Variants in RBMS1 observed in about 807,000 individuals in gnomAD.
RBMS1 encodes the protein RNA binding motif single stranded interacting protein 1.
RBMS1 carries 17 observed loss-of-function variants against 62.3 expected under a neutral mutation model. That is an observed-to-expected ratio of 0.27 (90% CI 0.19 to 0.41). The LOEUF (loss-of-function observed/expected upper bound fraction) is 0.41. RBMS1 is among the 10% of genes least tolerant of loss of function. The pLI is 1.00. For synonymous variants in RBMS1, 172 were observed against 170.0 expected (o/e 1.01, Z -0.09); for missense variants, 334 against 504.5 (o/e 0.66, Z 3.24).
chr2:160,317,550 A>G (rs539923718), intron 3 of RBMS1, among the ~76,000 whole-genome samples: 1 of 152,248 alleles, frequency 6.6e-6, no homozygotes, highest in South Asian at 2.1e-4. Flanking sequence ...GCTCATCCTA[A>G]TTACATGGAA....
intron 1 of RBMS1, among the ~76,000 whole-genome samples, chr2:160,403,026 GAAGT>G (rs1454016890): frequency 6.6e-6 from 1 of 152,152 alleles, no homozygotes; most frequent in African/African-American, 2.4e-5. Context: ...TAAAAAACTA[GAAGT>G]ATGTTCAAAA....
At position 160,421,149 on chromosome 2, in the gene RBMS1, T is replaced by A. The variant is rs181928827; in HGVS notation, c.76-53758A>T. Among the ~76,000 whole-genome samples, 52 of 151,966 alleles carry A rather than the reference T, an allele frequency of 3.4e-4. No individual in the cohort carries two copies. The South Asian group carries it at 4.8e-3, about 14-fold the overall frequency. On this transcript the variant is annotated intron_variant, in intron 1 of 13. Transcript: ENST00000348849. Reference sequence around the variant, plus strand: ...ACTCTAACTTATTCTTTTTTCTTTTTTTTTTTATTATTATACTTTAAGTTC... The same window carrying A: ...ACTCTAACTTATTCTTTTTTCTTTTATTTTTTATTATTATACTTTAAGTTC...
At chr2:160,424,296 G>A (rs767659061) in intron 1 of RBMS1, among the ~76,000 whole-genome samples, 1 of 150,976 alleles carries the variant, frequency 6.6e-6, no homozygotes, top group Admixed American at 6.6e-5. Context: ...TGGCATTACA[G>A]GCATGAGCCA....
chr2:160,351,015 T>G (rs144508405), intron 2 of RBMS1, among the ~76,000 whole-genome samples: 1 of 152,100 alleles, frequency 6.6e-6, no homozygotes. Context: ...GATAAGTTCA[T>G]GTCCTTTGTA....
chr2:160,378,524 G>A (rs921067195), intron 1 of RBMS1, among the ~76,000 whole-genome samples: 2 of 151,720 alleles, frequency 1.3e-5, no homozygotes, highest in Admixed American at 1.3e-4. Flanking sequence ...GAGGTGGGAC[G>A]ATCACTTGAG....
At chr2:160,397,269 TC>T (rs1695197878) in intron 1 of RBMS1, among the ~76,000 whole-genome samples, 1 of 152,036 alleles carries the variant, frequency 6.6e-6, no homozygotes, top group South Asian at 2.1e-4. Context: ...GAAAATCCCA[TC>T]TTTTTTATTT....
At chr2:160,479,675 C>T (rs1685285434) in intron 1 of RBMS1, among the ~76,000 whole-genome samples, 1 of 152,192 alleles carries the variant, frequency 6.6e-6, no homozygotes, top group Non-Finnish European at 1.5e-5. Context: ...CTCTCTGCCT[C>T]CCTAGAGCTC....
At position 160,284,501 on chromosome 2, in the gene RBMS1, C is replaced by A. The variant is rs78419289; in HGVS notation, c.900+274G>T. 5.4e-3 allele frequency: 2,284 copies of A among 420,756 alleles called. 47 individuals carry two copies. The highest frequency in any genetic ancestry group is 0.043 in the African/African-American group (2,139 of 49,894). The allele number at this position is 420,756 out of a possible 1,614,324, so 26.1% of individuals were successfully genotyped here. A position where few individuals can be genotyped will look rare whatever the true frequency, so the allele number is the denominator to read the frequency against. ...GGACACATGGTGTCCAAAAGCAGGG[C>A]CCCTTGGTGAAGGAAGTGTTTGGGT... On this transcript the variant is annotated intron_variant, in intron 9 of 13. Coordinates refer to ENST00000348849, the MANE Select transcript of RBMS1 (RefSeq NM_016836.4).
At chr2:160,323,748 C>G (rs766008636) in intron 2 of RBMS1, among the ~76,000 whole-genome samples, 2 of 151,988 alleles carry the variant, frequency 1.3e-5, no homozygotes, top group African/African-American at 4.8e-5. Context: ...CACTCCAGAG[C>G]AAGCTCTGAC....
rs1271445665 is a variant in RBMS1 at position 160,334,431 on chromosome 2, C to CGGT, written c.252-16207_252-16205dup. Among the ~76,000 whole-genome samples the CGGT allele has an allele frequency of 2.6e-5, 4 of 152,266 alleles. No individual in the cohort carries two copies. The East Asian group carries it at 7.7e-4, about 29-fold the overall frequency. On this transcript the variant is annotated intron_variant, in intron 2 of 13. Transcript: ENST00000348849. ...CAAGCCTGCGGCAACCTGGCAAAGGCGGTACCATTAATCCTGTTCTACAAG... is the reference window on the plus strand; with the variant it reads ...CAAGCCTGCGGCAACCTGGCAAAGGCGGTGGTACCATTAATCCTGTTCTACAAG...
At chr2:160,483,682 T>G (rs1685462826) in intron 1 of RBMS1, among the ~76,000 whole-genome samples, 1 of 152,188 alleles carries the variant, frequency 6.6e-6, no homozygotes, top group Non-Finnish European at 1.5e-5. Context: ...CATCTACCAC[T>G]ATCACACACA....
chr2:160,481,417 C>A (rs985044620), intron 1 of RBMS1, among the ~76,000 whole-genome samples: 1 of 145,634 alleles, frequency 6.9e-6, no homozygotes, highest in Non-Finnish European at 1.5e-5. Context: ...TAAACAGACA[C>A]GAAAAGCAAT....
At chr2:160,425,063 G>A (rs765893930) in intron 1 of RBMS1, among the ~76,000 whole-genome samples, 3 of 152,042 alleles carry the variant, frequency 2.0e-5, no homozygotes, top group Non-Finnish European at 2.9e-5. Flanking sequence ...AATAAAAAAT[G>A]ACTGCTTCCC....
chr2:160,446,862 G>A (rs1683674071), intron 1 of RBMS1, among the ~76,000 whole-genome samples: 1 of 152,092 alleles, frequency 6.6e-6, no homozygotes, highest in African/African-American at 2.4e-5. Context: ...TTCTTGTCAT[G>A]AATACTGCCC....
intron 1 of RBMS1, among the ~76,000 whole-genome samples, chr2:160,462,251 C>T (rs551874916): frequency 1.1e-4 from 17 of 152,286 alleles, no homozygotes; most frequent in Admixed American, 3.3e-4. Context: ...AAATAACTGG[C>T]AAGTGGACAC....
chr2:160,341,670 G>A (rs1055574442), intron 2 of RBMS1, among the ~76,000 whole-genome samples: 1 of 152,146 alleles, frequency 6.6e-6, no homozygotes, highest in African/African-American at 2.4e-5. Context: ...TCCTAGAAAT[G>A]GGTGTTCATA....
chr2:160,320,960 G>T (rs62177266), intron 2 of RBMS1, among the ~76,000 whole-genome samples: 11,526 of 151,848 alleles, frequency 0.076, 619 homozygotes, highest in South Asian at 0.19. Context: ...ACTCCAATTT[G>T]GGGTAAGGAG....
intron 1 of RBMS1, among the ~76,000 whole-genome samples, chr2:160,471,277 G>GT (rs1684900527): frequency 6.6e-6 from 1 of 152,150 alleles, no homozygotes; most frequent in Non-Finnish European, 1.5e-5. Context: ...TCAAGTGCGT[G>GT]TAAATTGGTC....
chr2:160,429,211 T>A (rs2105283582), intron 1 of RBMS1, among the ~76,000 whole-genome samples: 1 of 152,354 alleles, frequency 6.6e-6, no homozygotes, highest in East Asian at 1.9e-4. Flanking sequence ...ACTTTAAAGT[T>A]AACAGGAAGT....
Sources: allele counts gnomAD v4.1 joint callset (sites outside exome capture counted in the v4.1 genomes callset), GRCh38; gene constraint gnomAD v4.1.1; transcripts MANE v1.5; gene names NCBI Gene and HGNC (gene_info 2026-07-23, HGNC 2026-07-21).